The following ANK3 variants were observed in gnomAD, a reference collection of about 807,000 sequenced individuals.
The protein encoded by ANK3 is ankyrin-3.
ANK3 carries 57 observed loss-of-function variants against 370.9 expected under a neutral mutation model. The observed-to-expected ratio is 0.15, with a 90% CI of 0.12 to 0.19. The LOEUF (loss-of-function observed/expected upper bound fraction) is 0.19. Among genes scored for constraint, ANK3 ranks in the 10% least tolerant of loss-of-function variants. The pLI, the probability that ANK3 is intolerant of heterozygous loss-of-function variation, is 1.00. For missense variants in ANK3, 4,439 were observed against 5,302.1 expected, an observed-to-expected ratio of 0.84 and a Z score of 5.06; for synonymous variants, 1,929 against 1,946.3, an observed-to-expected ratio of 0.99 and a Z score of 0.23.
At chr10:60,326,201 G>A (rs927067791) in intron 1 of ANK3, among the ~76,000 whole-genome samples, 1 of 152,112 alleles carries the variant, frequency 6.6e-6, no homozygotes, top group Non-Finnish European at 1.5e-5. Flanking sequence ...CCTGGGTGAT[G>A]AAATAATCTG....
intron 2 of ANK3, among the ~76,000 whole-genome samples, chr10:60,423,407 C>A (rs2063817471): frequency 1.4e-5 from 2 of 143,144 alleles, no homozygotes; most frequent in South Asian, 4.7e-4. Context: ...TATTCTGCAA[C>A]AATGATTCTC....
At chr10:60,269,417 G>C (rs994688479) in intron 5 of ANK3, among the ~76,000 whole-genome samples, 1 of 152,070 alleles carries the variant, frequency 6.6e-6, no homozygotes, top group South Asian at 2.1e-4. Context: ...AGGCCGAGGC[G>C]GGTGGATCAC....
At chr10:60,635,868 A>G (rs961354700) in intron 1 of ANK3, among the ~76,000 whole-genome samples, 2 of 152,206 alleles carry the variant, frequency 1.3e-5, no homozygotes, top group South Asian at 2.1e-4. Flanking sequence ...GAAATAGACA[A>G]AGGCCAGGGA....
At chr10:60,364,634 A>G (rs1396804897) in intron 1 of ANK3, among the ~76,000 whole-genome samples, 3 of 152,182 alleles carry the variant, frequency 2.0e-5, no homozygotes, top group Non-Finnish European at 4.4e-5. Context: ...TGGTACGTGT[A>G]TACCTAAGTA....
intron 7 of ANK3, among the ~76,000 whole-genome samples, chr10:60,238,618 G>T (rs1312683668): frequency 6.6e-6 from 1 of 151,992 alleles, no homozygotes; most frequent in Non-Finnish European, 1.5e-5. Context: ...GACCTCCTCT[G>T]TGCTGCAGGT....
At chr10:60,259,909 TG>T (rs1381285144) in intron 7 of ANK3, among the ~76,000 whole-genome samples, 2 of 152,230 alleles carry the variant, frequency 1.3e-5, no homozygotes, top group African/African-American at 4.8e-5. Context: ...GGCTTAGCTT[TG>T]TCCTTCAAAG....
At chr10:60,198,571 G>C in intron 13 of ANK3, 34 bp from the exon 14 acceptor site, 4 of 1,593,008 alleles carry the variant, frequency 2.5e-6, no homozygotes, top group Non-Finnish European at 3.4e-6. Context: ...AGGCTGATGA[G>C]CTGAGGAAAC....
At chr10:60,544,802 T>A (rs1378800142) in intron 2 of ANK3, among the ~76,000 whole-genome samples, 1 of 152,136 alleles carries the variant, frequency 6.6e-6, no homozygotes, top group African/African-American at 2.4e-5. Context: ...TAAATATTCA[T>A]CACCAATGTT....
At chr10:60,723,160 C>G (rs7919914) in intron 1 of ANK3, among the ~76,000 whole-genome samples, 47,328 of 152,004 alleles carry the variant, frequency 0.31, 7,664 homozygotes, top group South Asian at 0.49. Flanking sequence ...TATGACTTGA[C>G]AGGAAGTAGG....
chr10:60,275,431 A>G (rs2098074675), intron 4 of ANK3, among the ~76,000 whole-genome samples: 1 of 152,188 alleles, frequency 6.6e-6, no homozygotes, highest in Admixed American at 6.6e-5. Flanking sequence ...AATTTCATCC[A>G]TGAAATTTTT....
In ANK3 at chr10:60,055,651, G is replaced by T. The variant is rs761448157; in HGVS notation, c.13065+7C>A. On this transcript the variant is annotated splice_region_variant and intron_variant, in intron 42 of 43. Coordinates refer to ENST00000280772, the MANE Select transcript of ANK3 (RefSeq NM_020987.5). ...AATGACTGCTACCGGATGACCAGAT[G>T]ACGTACCTTTTGCTCAGACCCACTG... The T allele has an allele frequency of 2.5e-6, 4 of 1,596,494 alleles. No individual in the cohort carries two copies. The highest frequency in any genetic ancestry group is 3.4e-6 in the Non-Finnish European group (4 of 1,173,694).
chr10:60,261,062 ATTGT>A (rs1456159142), intron 7 of ANK3, among the ~76,000 whole-genome samples: 1 of 152,168 alleles, frequency 6.6e-6, no homozygotes, highest in African/African-American at 2.4e-5. Flanking sequence ...ATATTTTATA[ATTGT>A]TTATTTAATT....
At chr10:60,677,630 G>GTT (rs576946160) in intron 1 of ANK3, among the ~76,000 whole-genome samples, 2 of 151,950 alleles carry the variant, frequency 1.3e-5, no homozygotes, top group South Asian at 4.1e-4. Flanking sequence ...TGTGCAGATG[G>GTT]TTATGGAAGA....
chr10:60,534,060 C>T (rs1223291449), intron 2 of ANK3, among the ~76,000 whole-genome samples: 1 of 152,010 alleles, frequency 6.6e-6, no homozygotes, highest in Non-Finnish European at 1.5e-5. Context: ...TCAGAAGGCC[C>T]ATATTAGAAT....
chr10:60,506,856 A>G (rs942984860), intron 2 of ANK3, among the ~76,000 whole-genome samples: 37 of 152,220 alleles, frequency 2.4e-4, no homozygotes, highest in Admixed American at 2.2e-3. Flanking sequence ...TTTTTTTTAA[A>G]AGGACATTTT....
At chr10:60,259,528 G>T (rs564514649) in intron 7 of ANK3, among the ~76,000 whole-genome samples, 1 of 152,322 alleles carries the variant, frequency 6.6e-6, no homozygotes, top group Non-Finnish European at 1.5e-5. Flanking sequence ...ACGTGGGTCT[G>T]ATGTCTCCAC....
intron 12 of ANK3, among the ~76,000 whole-genome samples, chr10:60,201,120 G>A (rs564952334): frequency 3.3e-5 from 5 of 152,336 alleles, no homozygotes; most frequent in South Asian, 2.1e-4. Flanking sequence ...GGAAGGACAC[G>A]TGAAGACAGA....
At chr10:60,408,012 C>T (rs1359466685) in intron 2 of ANK3, among the ~76,000 whole-genome samples, 1 of 152,196 alleles carries the variant, frequency 6.6e-6, no homozygotes, top group East Asian at 1.9e-4. Flanking sequence ...GCCCCTACCC[C>T]TGCTGCCATC....
intron 2 of ANK3, among the ~76,000 whole-genome samples, chr10:60,448,688 T>A (rs1213674146): frequency 6.6e-6 from 1 of 152,214 alleles, no homozygotes; most frequent in African/African-American, 2.4e-5. Context: ...CCTAGCCAGT[T>A]GGGGAGAACA....
Sources: gnomAD v4.1 joint callset for allele counts (sites outside exome capture counted in the v4.1 genomes callset) on GRCh38, gnomAD v4.1.1 for gene constraint, MANE v1.5 for transcripts, NCBI Gene and HGNC (gene_info 2026-07-23, HGNC 2026-07-21) for gene names.